METTL6: variants seen among roughly 807,000 people sequenced by gnomAD.
The protein encoded by METTL6 is methyltransferase 6, tRNA N3-cytidine, also known as tRNA N(3)-cytidine methyltransferase METTL6.
In METTL6, 22 loss-of-function variants were observed where a neutral mutation model predicts 26.4. The observed-to-expected ratio is 0.83, with a 90% confidence interval of 0.59 to 1.19. The LOEUF (loss-of-function observed/expected upper bound fraction) is 1.19. METTL6 is among the 50% of genes most tolerant of loss of function. The pLI, the probability that METTL6 is intolerant of heterozygous loss-of-function variation, is 0.00. For missense variants in METTL6, 304 were observed against 324.8 expected (o/e 0.94, Z 0.49); for synonymous variants, 109 against 116.2 (o/e 0.94, Z 0.40).
At chr3:15,406,629 TAGAG>T (rs1211289541), downstream of METTL6, among the ~76,000 whole-genome samples, 16 of 20,720 alleles carry the variant, frequency 7.7e-4, 1 homozygote, top group East Asian at 2.5e-3. Context: ...TATATATATA[TAGAG>T]AGAGAGAGAG....
downstream of METTL6, among the ~76,000 whole-genome samples, chr3:15,405,632 C>G (rs959536653): frequency 6.6e-6 from 1 of 152,142 alleles, no homozygotes; most frequent in African/African-American, 2.4e-5. Context: ...CCTTGTGGTA[C>G]AACATTCAAA....
intron 6 of METTL6, among the ~76,000 whole-genome samples, chr3:15,400,669 CCTT>C (rs1441531626): frequency 1.3e-5 from 2 of 152,036 alleles, no homozygotes; most frequent in African/African-American, 4.8e-5. Flanking sequence ...TGCTAGACTA[CCTT>C]TTTTTGGTAA....
At chr3:15,414,761 C>A (rs1250980922) in intron 4 of METTL6, 1 of 437,226 alleles carries the variant, frequency 2.3e-6, no homozygotes, top group Admixed American at 2.5e-5. Flanking sequence ...CATCTCTACA[C>A]AAAAATTAAA....
At chr3:15,420,412 G>C (rs1338008110) in intron 3 of METTL6, among the ~76,000 whole-genome samples, 1 of 152,202 alleles carries the variant, frequency 6.6e-6, no homozygotes, top group Non-Finnish European at 1.5e-5. Context: ...AAGTAGGGTA[G>C]TAAGTAACAC....
intron 6 of METTL6, among the ~76,000 whole-genome samples, chr3:15,399,205 C>T (rs1457702616): frequency 1.3e-5 from 2 of 151,826 alleles, no homozygotes; most frequent in South Asian, 2.1e-4. Flanking sequence ...TTCCCCTGCC[C>T]CCCCAACCCC....
At chr3:15,405,549 T>TA (rs552296966), downstream of METTL6, among the ~76,000 whole-genome samples, 22 of 152,084 alleles carry the variant, frequency 1.4e-4, no homozygotes, top group South Asian at 4.4e-3. Context: ...TCAGTAACAA[T>TA]AAAAAAAGAA....
chr3:15,414,476 C>T (rs900620573), intron 4 of METTL6: 2 of 486,272 alleles, frequency 4.1e-6, no homozygotes, highest in Admixed American at 5.0e-5. Context: ...GTGTCTCAGC[C>T]TCCCGAGTAG....
intron 6 of METTL6, among the ~76,000 whole-genome samples, chr3:15,394,209 T>A (rs1699425103): frequency 6.6e-6 from 1 of 152,250 alleles, no homozygotes; most frequent in Admixed American, 6.5e-5. Flanking sequence ...TTCAACTTCT[T>A]CCTGGTTTAG....
chr3:15,411,962 G>A (rs1458776899), intron 5 of METTL6, among the ~76,000 whole-genome samples: 2 of 151,740 alleles, frequency 1.3e-5, no homozygotes, highest in African/African-American at 4.8e-5. Flanking sequence ...ACAGGGTTTC[G>A]CCATGTTGGC....
chr3:15,408,562 CTTTTTT>C (rs57787117), downstream of METTL6, among the ~76,000 whole-genome samples: 801 of 116,228 alleles, frequency 6.9e-3, 10 homozygotes, highest in African/African-American at 0.024. Context: ...GCTCCTTGCT[CTTTTTT>C]TTTTTTTTTT....
intron 4 of METTL6, chr3:15,415,414 C>T: frequency 7.4e-7 from 1 of 1,354,858 alleles, no homozygotes; most frequent in South Asian, 1.3e-5. Flanking sequence ...GCCTTGGCAT[C>T]CCAAAGTGTT....
rs1419360157 is a variant in METTL6, at chr3:15,410,132, G to A, written c.*1124C>T. Among the ~76,000 whole-genome samples the A allele has an allele frequency of 2.0e-5, 3 of 151,900 alleles. No homozygotes were observed. Among genetic ancestry groups the A allele is most frequent in the Non-Finnish European group, 4.4e-5 (3 of 67,990 alleles). On this transcript the variant is annotated 3_prime_UTR_variant, in exon 6 of 6. Transcript: ENST00000383790. Reference sequence around the variant, plus strand: ...TCAGGCCTTGAAATTTTATTTACATGTCTCTAACACACACACATACACTTC... The same window carrying A: ...TCAGGCCTTGAAATTTTATTTACATATCTCTAACACACACACATACACTTC...
chr3:15,397,261 G>A (rs775958977), intron 6 of METTL6, among the ~76,000 whole-genome samples: 10 of 152,214 alleles, frequency 6.6e-5, no homozygotes, highest in Admixed American at 1.3e-4. Context: ...GCGAGGCTCC[G>A]TGGGCGTAGG....
intron 4 of METTL6, 104 bp from the exon 5 acceptor site, chr3:15,414,266 C>T: frequency 6.7e-7 from 1 of 1,494,684 alleles, no homozygotes; most frequent in Non-Finnish European, 8.8e-7. Flanking sequence ...ACTAAGGGGA[C>T]AGACTGAAAT....
At chr3:15,400,161 C>G (rs976952506) in intron 6 of METTL6, among the ~76,000 whole-genome samples, 30 of 152,194 alleles carry the variant, frequency 2.0e-4, no homozygotes, top group Admixed American at 2.0e-3. Context: ...CTGCATAAGG[C>G]AACCTTTGTG....
intron 3 of METTL6, among the ~76,000 whole-genome samples, chr3:15,418,698 C>A (rs909510100): frequency 4.6e-5 from 7 of 151,960 alleles, no homozygotes; most frequent in African/African-American, 1.7e-4. Context: ...ACTATATAAC[C>A]AAAAATTAGT....
At position 15,426,309 on chromosome 3, in the gene METTL6, T is replaced by C. The variant is rs1275097193; in HGVS notation, c.203A>G (p.Glu68Gly). Residue 68 changes from glutamate (E) to glycine (G), a missense_variant, in exon 2 of 6, where the codon GAG (glutamate) becomes GGG (glycine). Transcript: ENST00000383790. ...TACCTCTCTACATGATCTTAGCTCC[T>C]CAAACTCTCTGGTGGTCCAGTGTCT... ...KDRHWTTREFEELRSCREFED... is the reference protein window; with the variant it reads ...KDRHWTTREFGELRSCREFED... 1.2e-6 allele frequency: 2 copies of C among 1,614,086 alleles called. No individual in the cohort carries two copies. Among genetic ancestry groups the C allele is most frequent in the Admixed American group, 3.3e-5 (2 of 60,008 alleles).
exon 7 of METTL6, chr3:15,383,113 T>C (rs984746472): frequency 3.3e-5 from 5 of 152,200 alleles, no homozygotes; most frequent in Admixed American, 6.5e-5. Flanking sequence ...TCTGGAATTT[T>C]ACCCCCAGAT....
In METTL6 at chr3:15,410,639, T is replaced by C. The variant is rs1015672802; in HGVS notation, c.*617A>G. 6.6e-6 allele frequency among the ~76,000 whole-genome samples: 1 copy of C among 151,932 alleles called. No homozygotes were observed. The highest frequency in any genetic ancestry group is 2.4e-5 in the African/African-American group (1 of 41,346). On this transcript the variant is annotated 3_prime_UTR_variant, in exon 6 of 6. Transcript: ENST00000383790. The stretch of plus-strand genomic sequence containing the variant: ...TCTTAAGAAAAGTAACTGACTGCAG[T>C]TGAAAACAGGTAATTGAAATTGTGG...
Sources: gnomAD v4.1 joint callset for allele counts (sites outside exome capture counted in the v4.1 genomes callset) on GRCh38, gnomAD v4.1.1 for gene constraint, MANE v1.5 for transcripts, NCBI Gene and HGNC (gene_info 2026-07-23, HGNC 2026-07-21) for gene names.